The following ENTREP2 variants were observed in gnomAD, a reference collection of about 807,000 sequenced individuals.
ENTREP2 encodes endosomal transmembrane epsin interactor 2.
chr15:29,456,458 C>T, the ENTREP2 span, among the ~76,000 whole-genome samples: 1 of 152,124 alleles, frequency 6.6e-6, no homozygotes, highest in East Asian at 1.9e-4. Context: ...GGGGTGACGT[C>T]AAGGCTATTT....
At chr15:29,355,904 C>T in the ENTREP2 span, among the ~76,000 whole-genome samples, 1 of 151,888 alleles carries the variant, frequency 6.6e-6, no homozygotes, top group Non-Finnish European at 1.5e-5. Context: ...ACCTGAGTTC[C>T]CTATGTAAAA....
At chr15:29,252,622 G>T in the ENTREP2 span, 1 of 506,388 alleles carries the variant, frequency 2.0e-6, no homozygotes, top group Non-Finnish European at 3.5e-6. Context: ...TTAAAGGAAA[G>T]TGGTAGGTTA....
the ENTREP2 span, among the ~76,000 whole-genome samples, chr15:29,206,877 C>A: frequency 1.3e-5 from 2 of 152,174 alleles, no homozygotes; most frequent in Admixed American, 6.5e-5. Context: ...TGGTTTTAAT[C>A]CCTTCCGTGT....
chr15:29,521,198 C>T, the ENTREP2 span, among the ~76,000 whole-genome samples: 15 of 152,308 alleles, frequency 9.8e-5, no homozygotes, highest in African/African-American at 3.6e-4. Context: ...AAAATGTCAA[C>T]ACTCCCAGTG....
At chr15:29,659,742 T>TGTAA in the ENTREP2 span, among the ~76,000 whole-genome samples, 2 of 152,262 alleles carry the variant, frequency 1.3e-5, no homozygotes, top group South Asian at 4.1e-4. Flanking sequence ...TTACAGCATG[T>TGTAA]GTAAGTAGCT....
the ENTREP2 span, among the ~76,000 whole-genome samples, chr15:29,594,027 T>C: frequency 3.9e-5 from 6 of 152,318 alleles, no homozygotes; most frequent in South Asian, 2.1e-4. Flanking sequence ...GGAAACTGGA[T>C]GAAGGGTACA....
the ENTREP2 span, among the ~76,000 whole-genome samples, chr15:29,622,670 C>T: frequency 1.3e-5 from 2 of 152,116 alleles, no homozygotes; most frequent in South Asian, 4.1e-4. Flanking sequence ...GAGGGGATGC[C>T]CTGACCTCAA....
the ENTREP2 span, among the ~76,000 whole-genome samples, chr15:29,343,228 A>C: frequency 6.6e-6 from 1 of 152,116 alleles, no homozygotes; most frequent in African/African-American, 2.4e-5. Context: ...GTGCCTGGTC[A>C]TTTGGTTAAA....
the ENTREP2 span, among the ~76,000 whole-genome samples, chr15:29,284,305 C>G: frequency 6.6e-6 from 1 of 152,094 alleles, no homozygotes; most frequent in African/African-American, 2.4e-5. Context: ...TGCCTGTAAT[C>G]CCAGCACTTT....
At chr15:29,215,197 T>C in the ENTREP2 span, among the ~76,000 whole-genome samples, 2 of 152,292 alleles carry the variant, frequency 1.3e-5, no homozygotes, top group African/African-American at 4.8e-5. Flanking sequence ...TGATGATTAA[T>C]ACCAAGTGTC....
At chr15:29,641,831 CAA>C in the ENTREP2 span, among the ~76,000 whole-genome samples, 74 of 78,634 alleles carry the variant, frequency 9.4e-4, no homozygotes, top group South Asian at 2.9e-3. Context: ...GACTCTGTCT[CAA>C]AAAAAAAAAA....
At chr15:29,627,984 G>A in the ENTREP2 span, among the ~76,000 whole-genome samples, 11 of 152,208 alleles carry the variant, frequency 7.2e-5, no homozygotes, top group South Asian at 1.5e-3. Context: ...TTTCCATTCC[G>A]TGTAAGTATA....
chr15:29,259,626 C>T, the ENTREP2 span, among the ~76,000 whole-genome samples: 3 of 152,176 alleles, frequency 2.0e-5, no homozygotes, highest in East Asian at 3.9e-4. Flanking sequence ...CTTGACTTTA[C>T]TAACCACCCC....
At chr15:29,234,017 C>T in the ENTREP2 span, 3 of 1,490,860 alleles carry the variant, frequency 2.0e-6, no homozygotes, top group South Asian at 1.1e-5. Context: ...TTGACTTGTT[C>T]CACCTCTGGG....
the ENTREP2 span, among the ~76,000 whole-genome samples, chr15:29,159,133 T>C: frequency 6.6e-6 from 1 of 152,164 alleles, no homozygotes; most frequent in East Asian, 1.9e-4. Context: ...GTTACAGCTC[T>C]TAAAGGTGGC....
the ENTREP2 span, among the ~76,000 whole-genome samples, chr15:29,588,829 A>G: frequency 6.6e-6 from 1 of 151,900 alleles, no homozygotes; most frequent in Non-Finnish European, 1.5e-5. Context: ...TCTACAAAAA[A>G]TACAAAAAAA....
chr15:29,252,465 A>G, the ENTREP2 span: 14 of 1,547,834 alleles, frequency 9.0e-6, no homozygotes, highest in African/African-American at 1.4e-5. Context: ...AGAAAGCAGC[A>G]TGAAAAAGGT....
chr15:29,282,903 C>T, the ENTREP2 span, among the ~76,000 whole-genome samples: 6 of 152,296 alleles, frequency 3.9e-5, no homozygotes, highest in African/African-American at 1.4e-4. Flanking sequence ...GGCCAACCAG[C>T]CAGATGTTCT....
At chr15:29,458,635 C>T in the ENTREP2 span, among the ~76,000 whole-genome samples, 10 of 152,158 alleles carry the variant, frequency 6.6e-5, no homozygotes, top group Non-Finnish European at 1.5e-4. Flanking sequence ...GGTCACGCCT[C>T]CTCTGGATCC....
Sources: gnomAD v4.1 joint callset for allele counts (sites outside exome capture counted in the v4.1 genomes callset) on GRCh38, gnomAD v4.1.1 for gene constraint, MANE v1.5 for transcripts, NCBI Gene and HGNC (gene_info 2026-07-23, HGNC 2026-07-21) for gene names.